GFRAL: variants seen among roughly 807,000 people sequenced by gnomAD.
GFRAL encodes the protein GDNF family receptor alpha-like.
A neutral mutation model predicts 45.4 loss-of-function variants in GFRAL; 36 were observed. The observed-to-expected ratio is 0.79, with a 90% confidence interval of 0.61 to 1.05. The LOEUF (loss-of-function observed/expected upper bound fraction) is 1.05. Among genes scored for constraint, GFRAL ranks in the 50% least tolerant of loss-of-function variants. GFRAL has a pLI of 0.00. For missense variants in GFRAL, 507 were observed against 467.5 expected (o/e 1.08, Z -0.78); for synonymous variants, 166 against 154.1 (o/e 1.08, Z -0.57).
At chr6:55,349,997 T>C (rs1768094746) in intron 3 of GFRAL, 95 bp from the exon 4 acceptor site, 4 of 743,216 alleles carry the variant, frequency 5.4e-6, no homozygotes, top group Admixed American at 3.8e-5. Context: ...CTTGAATATA[T>C]GTGGACTTTA....
At chr6:55,334,152 C>A (rs550591026) in intron 3 of GFRAL, among the ~76,000 whole-genome samples, 1 of 151,728 alleles carries the variant, frequency 6.6e-6, no homozygotes, top group African/African-American at 2.4e-5. Flanking sequence ...CTTGATGTAC[C>A]TTGGGGTTCT....
intron 3 of GFRAL, among the ~76,000 whole-genome samples, chr6:55,341,686 G>A (rs1222272106): frequency 1.3e-5 from 2 of 152,294 alleles, no homozygotes; most frequent in African/African-American, 2.4e-5. Flanking sequence ...TGACTTTGAC[G>A]AGTTCAGAGA....
intron 3 of GFRAL, among the ~76,000 whole-genome samples, chr6:55,335,484 G>A (rs1399151877): frequency 1.3e-5 from 2 of 151,922 alleles, no homozygotes; most frequent in Non-Finnish European, 1.5e-5. Flanking sequence ...TTCTTTCATA[G>A]ATCATACTTT....
intron 6 of GFRAL, among the ~76,000 whole-genome samples, chr6:55,361,654 C>G (rs1268208150): frequency 2.0e-5 from 3 of 151,922 alleles, no homozygotes; most frequent in African/African-American, 7.2e-5. Context: ...AAACCAAATC[C>G]TTAGGCCTTG....
chr6:55,361,686 C>T (rs986105069), intron 6 of GFRAL, among the ~76,000 whole-genome samples: 7 of 151,946 alleles, frequency 4.6e-5, no homozygotes, highest in African/African-American at 1.7e-4. Context: ...AAACCTTTAT[C>T]CATTGCCTCA....
At chr6:55,399,316 A>G (rs770142998) in intron 7 of GFRAL, 41 bp downstream of exon 7, 2 of 1,525,912 alleles carry the variant, frequency 1.3e-6, no homozygotes, top group African/African-American at 1.4e-5. Context: ...TATATTATTT[A>G]TTTCCTCTAA....
intron 3 of GFRAL, among the ~76,000 whole-genome samples, chr6:55,342,542 G>A (rs910889726): frequency 7.9e-5 from 12 of 152,008 alleles, no homozygotes; most frequent in East Asian, 1.9e-4. Flanking sequence ...CATGGAAAGG[G>A]ACAACCGGTA....
chr6:55,370,667 G>A (rs894770035), intron 6 of GFRAL, among the ~76,000 whole-genome samples: 7 of 152,116 alleles, frequency 4.6e-5, no homozygotes, highest in Admixed American at 1.3e-4. Flanking sequence ...AAATTCTCAT[G>A]TCCAATAAAC....
chr6:55,350,278 G>A (rs1768098792), intron 4 of GFRAL, 133 bp downstream of exon 4: 1 of 583,214 alleles, frequency 1.7e-6, no homozygotes, highest in Admixed American at 3.4e-5. Flanking sequence ...ATAATAAAAT[G>A]CAGCAAAATC....
At chr6:55,355,234 G>A (rs1768173967) in intron 5 of GFRAL, among the ~76,000 whole-genome samples, 1 of 151,830 alleles carries the variant, frequency 6.6e-6, no homozygotes, top group African/African-American at 2.4e-5. Flanking sequence ...AGGGAGTCGG[G>A]GGCGAGGGGA....
intron 6 of GFRAL, among the ~76,000 whole-genome samples, chr6:55,391,497 T>C (rs1375374551): frequency 3.3e-5 from 5 of 152,180 alleles, no homozygotes; most frequent in African/African-American, 7.2e-5. Context: ...ATCCATGTAA[T>C]CCTAGAGCTT....
At chr6:55,381,764 A>C (rs1056292893) in intron 6 of GFRAL, among the ~76,000 whole-genome samples, 3 of 151,906 alleles carry the variant, frequency 2.0e-5, no homozygotes, top group African/African-American at 7.2e-5. Flanking sequence ...GAAAGATTAC[A>C]GACTATAAAT....
intron 1 of GFRAL, among the ~76,000 whole-genome samples, chr6:55,328,143 G>C (rs1311295535): frequency 6.6e-6 from 1 of 151,796 alleles, no homozygotes; most frequent in African/African-American, 2.4e-5. Context: ...CTCAAGTGTG[G>C]ACTTACTTCT....
chr6:55,358,715 A>AT (rs1768229644), intron 5 of GFRAL, among the ~76,000 whole-genome samples, 173 bp from the exon 6 acceptor site: 1 of 151,968 alleles, frequency 6.6e-6, no homozygotes. Context: ...TTACTCTACA[A>AT]TTTCTTCCAC....
At chr6:55,337,551 A>G (rs139343882) in intron 3 of GFRAL, among the ~76,000 whole-genome samples, 1,988 of 152,314 alleles carry the variant, frequency 0.013, 22 homozygotes, top group Non-Finnish European at 0.022. Flanking sequence ...CATTAAAAAG[A>G]TTTGAAAATA....
In GFRAL at chr6:55,401,813, C is replaced by A; in HGVS notation, c.1145C>A (p.Ala382Glu). The change falls in exon 9 of 9, where the codon GCA (alanine) becomes GAA (glutamate). Residue 382 changes from alanine to glutamate, a missense_variant. Transcript: ENST00000340465. ...AGAACTTCCAGAATATCAAGTAAAGCAAGAGATCCTTCATCGATCCAAATA... is the reference window on the plus strand; with the variant it reads ...AGAACTTCCAGAATATCAAGTAAAGAAAGAGATCCTTCATCGATCCAAATA... Reference protein sequence around the residue: ...KLRTSRISSKARDPSSIQIPG... With the variant: ...KLRTSRISSKERDPSSIQIPG... 6.5e-7 allele frequency: 1 copy of A among 1,544,668 alleles called. No homozygotes were observed. The highest frequency in any genetic ancestry group is 1.1e-5 in the South Asian group (1 of 89,718).
rs758358586 is a variant in GFRAL, at chr6:55,352,323, T to C, written c.701+740T>C. On this transcript the variant is annotated intron_variant, in intron 5 of 8. Transcript: ENST00000340465. Reference sequence around the variant, plus strand: ...TCCACAACAAAGTAACATTTAACATTAAGAGAAAAGGGATAGAGAAAAGGG... The same window carrying C: ...TCCACAACAAAGTAACATTTAACATCAAGAGAAAAGGGATAGAGAAAAGGG... 1.3e-3 allele frequency among the ~76,000 whole-genome samples: 191 copies of C among 152,036 alleles called. 4 individuals are homozygous for C. The highest frequency in any genetic ancestry group is 1.1e-3 in the Admixed American group (17 of 15,226).
At chr6:55,357,725 A>G (rs1186934854) in intron 5 of GFRAL, among the ~76,000 whole-genome samples, 1 of 151,708 alleles carries the variant, frequency 6.6e-6, no homozygotes, top group Non-Finnish European at 1.5e-5. Flanking sequence ...TTTTTAATTA[A>G]ATATTCTTTA....
chr6:55,359,846 C>T (rs1449813659), intron 6 of GFRAL, among the ~76,000 whole-genome samples: 2 of 151,924 alleles, frequency 1.3e-5, no homozygotes, highest in Non-Finnish European at 2.9e-5. Context: ...CTCAGAGTCA[C>T]TGTGGGAGTG....
Sources: allele counts gnomAD v4.1 joint callset (sites outside exome capture counted in the v4.1 genomes callset), GRCh38; gene constraint gnomAD v4.1.1; transcripts MANE v1.5; gene names NCBI Gene and HGNC (gene_info 2026-07-23, HGNC 2026-07-21).